The following CACNG4 variants were observed in gnomAD, a reference collection of about 807,000 sequenced individuals.
The protein encoded by CACNG4 is voltage-dependent calcium channel gamma-4 subunit.
A neutral mutation model predicts 22.9 loss-of-function variants in CACNG4; 8 were observed. That is an observed-to-expected ratio of 0.35 (90% CI 0.21 to 0.63). The LOEUF is 0.63. Ranked by LOEUF, CACNG4 falls within the 30% of genes least tolerant of loss-of-function variation. The pLI is 0.72. For synonymous variants in CACNG4, 188 were observed against 191.9 expected (o/e 0.98, Z 0.17); for missense variants, 357 against 455.4 (o/e 0.78, Z 1.97).
In CACNG4 at chr17:67,027,591, CAGA is replaced by C. The variant is rs1253481258; in HGVS notation, c.445+2598_445+2600del. ...GGACAGTTTCCAAGGCTGGGAAAGT[CAGA>C]AGAAGACACAAGACTTCTCTGGGAA... On this transcript the variant is annotated intron_variant, in intron 3 of 3. Transcript: ENST00000262138. The surrounding 1 kb of genome is among the most constrained non-coding windows in gnomAD (Gnocchi z 4.3). Among the ~76,000 whole-genome samples the C allele has an allele frequency of 5.9e-5, 9 of 152,148 alleles. No homozygotes were observed. Among genetic ancestry groups the C allele is most frequent in the African/African-American group, 2.2e-4 (9 of 41,426 alleles).
intron 1 of CACNG4, among the ~76,000 whole-genome samples, chr17:66,981,287 T>C (rs1163661613): frequency 6.6e-6 from 1 of 152,190 alleles, no homozygotes; most frequent in Non-Finnish European, 1.5e-5. Flanking sequence ...TACAAAATTA[T>C]CCCTCAGTTC....
intron 2 of CACNG4, among the ~76,000 whole-genome samples, chr17:67,024,076 C>T (rs991992874): frequency 6.6e-6 from 1 of 152,170 alleles, no homozygotes; most frequent in African/African-American, 2.4e-5. Context: ...TGGCAGAGCC[C>T]TGGTGTCAGG....
intron 1 of CACNG4, among the ~76,000 whole-genome samples, chr17:66,982,493 G>T (rs1016453571): frequency 7.4e-6 from 1 of 135,078 alleles, no homozygotes; most frequent in South Asian, 2.5e-4. Context: ...CTAGCTACAG[G>T]GCGTTGATTG....
intron 2 of CACNG4, among the ~76,000 whole-genome samples, chr17:67,022,350 C>T (rs2035537141): frequency 6.6e-6 from 1 of 152,202 alleles, no homozygotes; most frequent in South Asian, 2.1e-4. Context: ...GCTGGATGGA[C>T]TTCCTTCTTT....
At chr17:66,999,556 A>G (rs2035395411) in intron 1 of CACNG4, among the ~76,000 whole-genome samples, 1 of 152,206 alleles carries the variant, frequency 6.6e-6, no homozygotes, top group Non-Finnish European at 1.5e-5. Flanking sequence ...CTTCTTCACA[A>G]GGCGGCAGGA....
chr17:66,983,305 T>TA (rs2035287370), intron 1 of CACNG4, among the ~76,000 whole-genome samples: 1 of 152,160 alleles, frequency 6.6e-6, no homozygotes, highest in Admixed American at 6.5e-5. Context: ...AGCCCCATGC[T>TA]AAAAACAGTC....
rs550835123 is a variant in CACNG4, at chr17:67,018,412, A to T, written c.304+140A>T. ...CACTCACTGTCTTACTTATTCAGAC[A>T]TTGTGAGTTTGGAGGATGGAGTTTT... On this transcript the variant is annotated intron_variant, in intron 2 of 3. Coordinates refer to ENST00000262138, the MANE Select transcript of CACNG4 (RefSeq NM_014405.4). The T allele has an allele frequency of 1.8e-5, 12 of 658,658 alleles. No individual in the cohort carries two copies. The South Asian group carries it at 2.2e-4, about 12-fold the overall frequency. 40.8% of individuals were successfully genotyped at this position (658,658 alleles called of 1,614,324 possible).
At chr17:66,969,476 G>C (rs568381252) in intron 1 of CACNG4, among the ~76,000 whole-genome samples, 1 of 152,234 alleles carries the variant, frequency 6.6e-6, no homozygotes, top group Non-Finnish European at 1.5e-5. Flanking sequence ...GTACTAGTGG[G>C]GGAAGTTATG....
At chr17:67,011,621 TGAGG>T (rs1324371531) in intron 1 of CACNG4, among the ~76,000 whole-genome samples, 1 of 148,430 alleles carries the variant, frequency 6.7e-6, no homozygotes, top group African/African-American at 2.6e-5. Context: ...AAAATGCTCT[TGAGG>T]AATGAATGAA....
In CACNG4 at chr17:67,027,984, C is replaced by T. The variant is rs956294355; in HGVS notation, c.446-2482C>T. ...GCAATGAGCTGAGATCACGCCACTG[C>T]ACTCCAGCCTGGGCGACAGAGCAAG... On this transcript the variant is annotated intron_variant, in intron 3 of 3. Transcript: ENST00000262138. The surrounding 1 kb of genome is among the most constrained non-coding windows in gnomAD (Gnocchi z 4.3). Among the ~76,000 whole-genome samples, 8 of 151,978 alleles carry T rather than the reference C, an allele frequency of 5.3e-5. No individual in the cohort carries two copies. Among genetic ancestry groups the T allele is most frequent in the Admixed American group, 2.0e-4 (3 of 15,252 alleles).
intron 1 of CACNG4, among the ~76,000 whole-genome samples, chr17:66,976,458 A>C: frequency 3.9e-5 from 4 of 103,706 alleles, no homozygotes; most frequent in South Asian, 3.5e-4. Context: ...TCCTCCCTCC[A>C]ACTTCCCTCC....
intron 1 of CACNG4, among the ~76,000 whole-genome samples, chr17:67,002,895 A>T (rs2035416860): frequency 6.6e-6 from 1 of 152,214 alleles, no homozygotes; most frequent in Non-Finnish European, 1.5e-5. Context: ...GTTTTCAACC[A>T]AAGCCAACAC....
At chr17:66,976,550 T>C (rs1014851592) in intron 1 of CACNG4, among the ~76,000 whole-genome samples, 1 of 149,210 alleles carries the variant, frequency 6.7e-6, no homozygotes, top group Non-Finnish European at 1.5e-5. Context: ...CTCTTTATTC[T>C]TTCTTCCTGG....
chr17:66,975,252 G>A (rs1398546090), intron 1 of CACNG4, among the ~76,000 whole-genome samples: 1 of 152,150 alleles, frequency 6.6e-6, no homozygotes, highest in African/African-American at 2.4e-5. Flanking sequence ...ACTAGCATCT[G>A]TCACCTCCTG....
chr17:67,030,674 A>G lies in CACNG4; in HGVS notation c.654A>G (p.Lys218=). Reference sequence around the variant, plus strand: ...ATAAAGAGTTGAGGTTTAAGACCAAACGGGAATTCCTTAAGGCGTCTTCCT... The same window carrying G: ...ATAAAGAGTTGAGGTTTAAGACCAAGCGGGAATTCCTTAAGGCGTCTTCCT... ...EKNKELRFKT[K]REFLKASSSS... The change falls in exon 4 of 4, where the codon AAA becomes AAG. Residue 218 remains lysine (K), a synonymous_variant. Coordinates refer to ENST00000262138, the MANE Select transcript of CACNG4 (RefSeq NM_014405.4). This position sits in a 1 kb window ranked among gnomAD's most constrained non-coding sequence, Gnocchi z 6.4. The G allele has an allele frequency of 6.2e-7, 1 of 1,614,210 alleles. No individual in the cohort carries two copies. Among genetic ancestry groups the G allele is most frequent in the South Asian group, 1.1e-5 (1 of 91,084 alleles).
intron 1 of CACNG4, among the ~76,000 whole-genome samples, chr17:67,017,881 GCC>G (rs773737983): frequency 3.9e-5 from 6 of 151,970 alleles, no homozygotes; most frequent in Non-Finnish European, 5.9e-5. Flanking sequence ...CCTCCTGCTT[GCC>G]CCGGGCAGCT....
intron 1 of CACNG4, among the ~76,000 whole-genome samples, chr17:67,004,804 G>A (rs1455116578): frequency 6.6e-6 from 1 of 152,132 alleles, no homozygotes; most frequent in Non-Finnish European, 1.5e-5. Flanking sequence ...GCTCACTACA[G>A]CCTCGACTTC....
At chr17:66,998,572 T>G (rs1036745821) in intron 1 of CACNG4, among the ~76,000 whole-genome samples, 8 of 152,128 alleles carry the variant, frequency 5.3e-5, no homozygotes, top group African/African-American at 1.9e-4. Context: ...TGAAGCCAAG[T>G]TCCCCACCTT....
intron 1 of CACNG4, among the ~76,000 whole-genome samples, chr17:67,001,761 TA>T (rs1164224244): frequency 6.6e-6 from 1 of 152,212 alleles, no homozygotes; most frequent in Admixed American, 6.5e-5. Flanking sequence ...GGAGACGAAC[TA>T]GACATTTCTT....
Sources: gnomAD v4.1 joint callset for allele counts (sites outside exome capture counted in the v4.1 genomes callset) on GRCh38, gnomAD v4.1.1 for gene constraint, Gnocchi (gnomAD v3.1) non-coding constraint, MANE v1.5 for transcripts, NCBI Gene and HGNC (gene_info 2026-07-23, HGNC 2026-07-21) for gene names.